Variants in PAPSS2 observed in about 807,000 individuals in gnomAD.
PAPSS2 encodes 3'-phosphoadenosine 5'-phosphosulfate synthase 2.
A neutral mutation model predicts 66.5 loss-of-function variants in PAPSS2; 61 were observed. The ratio of observed to expected loss-of-function variants is 0.92; its 90% CI spans 0.75 to 1.14. The LOEUF (loss-of-function observed/expected upper bound fraction) is 1.14, where lower values mean the gene tolerates loss of function less well. Among genes scored for constraint, PAPSS2 ranks in the 50% most tolerant of loss-of-function variants. PAPSS2 has a pLI of 0.00. For synonymous variants in PAPSS2, 289 were observed against 287.5 expected (o/e 1.01, Z -0.05); for missense variants, 708 against 789.6 (o/e 0.90, Z 1.24).
intron 1 of PAPSS2, among the ~76,000 whole-genome samples, chr10:87,676,685 A>C (rs1207527383): frequency 1.3e-5 from 2 of 152,048 alleles, no homozygotes; most frequent in Non-Finnish European, 2.9e-5. Context: ...ATCTTTACAG[A>C]GATTATTCAT....
At chr10:87,726,997 A>T (rs747746681) in intron 8 of PAPSS2, among the ~76,000 whole-genome samples, 9 of 152,206 alleles carry the variant, frequency 5.9e-5, no homozygotes, top group Non-Finnish European at 1.3e-4. Context: ...ATGAAAAGGG[A>T]ACCCACAAAG....
intron 7 of PAPSS2, among the ~76,000 whole-genome samples, chr10:87,720,493 A>C (rs992885919): frequency 2.0e-5 from 3 of 152,208 alleles, no homozygotes; most frequent in Non-Finnish European, 4.4e-5. Flanking sequence ...ATTTAATTGT[A>C]ACCAATTCAT....
At chr10:87,666,606 T>C (rs2131893745) in intron 1 of PAPSS2, among the ~76,000 whole-genome samples, 1 of 152,238 alleles carries the variant, frequency 6.6e-6, no homozygotes, top group East Asian at 1.9e-4. Flanking sequence ...CATTGTCCTG[T>C]CCAATCCTTA....
intron 1 of PAPSS2, among the ~76,000 whole-genome samples, chr10:87,680,822 G>T (rs546147672): frequency 1.3e-5 from 2 of 152,064 alleles, no homozygotes; most frequent in African/African-American, 4.8e-5. Context: ...AATCTTGCCG[G>T]TTTTTGAGCT....
At chr10:87,735,485 G>T (rs952002461) in intron 9 of PAPSS2, among the ~76,000 whole-genome samples, 4 of 152,180 alleles carry the variant, frequency 2.6e-5, no homozygotes, top group Non-Finnish European at 5.9e-5. Context: ...TCAAAATTGT[G>T]CTGTGTCCAA....
chr10:87,725,884 T>TACACACACACACACACACACACACACAC (rs60791274), intron 8 of PAPSS2, among the ~76,000 whole-genome samples: 29 of 140,464 alleles, frequency 2.1e-4, no homozygotes, highest in African/African-American at 4.9e-4. Context: ...TATGTGTGTA[T>TACACACACACACACACACACACACACAC]ACACACACAC....
intron 1 of PAPSS2, among the ~76,000 whole-genome samples, chr10:87,697,480 C>T (rs1351814599): frequency 1.3e-5 from 2 of 152,184 alleles, no homozygotes; most frequent in Non-Finnish European, 2.9e-5. Context: ...AGAGGTGGCT[C>T]ACCTGTGCTC....
intron 1 of PAPSS2, among the ~76,000 whole-genome samples, chr10:87,666,071 C>T (rs1017566989): frequency 1.3e-5 from 2 of 150,612 alleles, no homozygotes; most frequent in Admixed American, 1.3e-4. Flanking sequence ...TCAAGCGATT[C>T]TCACGCCTCG....
intron 1 of PAPSS2, among the ~76,000 whole-genome samples, chr10:87,704,638 T>G (rs542891697): frequency 3.9e-5 from 6 of 152,300 alleles, no homozygotes; most frequent in Admixed American, 2.0e-4. Context: ...GCTTACTTTT[T>G]TTTGTTTGTT....
intron 9 of PAPSS2, among the ~76,000 whole-genome samples, chr10:87,736,263 C>CTTTTTTTTT (rs10553485): frequency 1.9e-4 from 20 of 103,244 alleles, no homozygotes; most frequent in Non-Finnish European, 2.9e-4. Context: ...TTCTTTCTTT[C>CTTTTTTTTT]TTTTTTTTTT....
At chr10:87,734,661 G>GTATATATATATATA (rs1190336531) in intron 9 of PAPSS2, among the ~76,000 whole-genome samples, 1 of 90,378 alleles carries the variant, frequency 1.1e-5, no homozygotes, top group East Asian at 3.8e-4. Context: ...ATGAATGTGT[G>GTATATATATATATA]TGTATATATA....
At chr10:87,666,623 G>A (rs934095722) in intron 1 of PAPSS2, among the ~76,000 whole-genome samples, 1 of 151,760 alleles carries the variant, frequency 6.6e-6, no homozygotes, top group Non-Finnish European at 1.5e-5. Context: ...CTTAGTGTTG[G>A]TCCAATTTCA....
intron 1 of PAPSS2, among the ~76,000 whole-genome samples, chr10:87,703,000 G>A (rs1853336534): frequency 6.6e-6 from 1 of 152,126 alleles, no homozygotes; most frequent in African/African-American, 2.4e-5. Flanking sequence ...AGCCACTTTG[G>A]CAGTCCTCTT....
At chr10:87,693,062 G>T (rs181912962) in intron 1 of PAPSS2, among the ~76,000 whole-genome samples, 1 of 152,132 alleles carries the variant, frequency 6.6e-6, no homozygotes, top group South Asian at 2.1e-4. Context: ...CTCTAGAAAG[G>T]CGTTAATCTG....
intron 9 of PAPSS2, among the ~76,000 whole-genome samples, 198 bp from the exon 10 acceptor site, chr10:87,741,037 T>TG (rs1205126808): frequency 2.0e-5 from 3 of 152,046 alleles, no homozygotes; most frequent in African/African-American, 7.2e-5. Context: ...AAGCTCATGG[T>TG]GGGGGGTACT....
At chr10:87,671,091 A>G (rs1255122929) in intron 1 of PAPSS2, among the ~76,000 whole-genome samples, 1 of 152,152 alleles carries the variant, frequency 6.6e-6, no homozygotes, top group South Asian at 2.1e-4. Flanking sequence ...GGGAACTCTG[A>G]GCTTGTAGAG....
At chr10:87,713,977 A>G (rs1853500540) in intron 3 of PAPSS2, 67 bp from the exon 4 acceptor site, 6 of 1,551,648 alleles carry the variant, frequency 3.9e-6, no homozygotes, top group Admixed American at 1.7e-5. Flanking sequence ...CAAAGTACAC[A>G]GTGTTTTGTG....
rs1853487715 is a variant in PAPSS2 at position 87,713,312 on chromosome 10, T to TAAGAA, written c.381+4_381+5insGAAAA. 20 of 575,162 alleles carry TAAGAA rather than the reference T, an allele frequency of 3.5e-5. No individual in the cohort carries two copies. The South Asian group carries it at 3.7e-4, about 11-fold the overall frequency. 35.6% of individuals were successfully genotyped at this position (575,162 alleles called of 1,614,324 possible). On this transcript the variant is annotated splice_region_variant and intron_variant, in intron 3 of 12. Coordinates refer to ENST00000456849, the MANE Select transcript of PAPSS2 (RefSeq NM_001015880.2). ...AGCTTTATTTCTCCATTCGCAAAGG[T>TAAGAA]AAAAAAAAAAAAAAAAAAAAAAGGC...
At chr10:87,716,147 G>C (rs149968281) in intron 7 of PAPSS2, among the ~76,000 whole-genome samples, 1 of 152,146 alleles carries the variant, frequency 6.6e-6, no homozygotes, top group Non-Finnish European at 1.5e-5. Flanking sequence ...AAGGTAGCAC[G>C]CAGAAGTACC....
Sources: gnomAD v4.1 joint callset for allele counts (sites outside exome capture counted in the v4.1 genomes callset) on GRCh38, gnomAD v4.1.1 for gene constraint, MANE v1.5 for transcripts, NCBI Gene and HGNC (gene_info 2026-07-23, HGNC 2026-07-21) for gene names.